Variants in SEC16A observed in about 807,000 individuals in gnomAD.
SEC16A encodes the protein protein transport protein Sec16A.
In SEC16A, 110 loss-of-function variants were observed where a neutral mutation model predicts 221.9. That is an observed-to-expected ratio of 0.50 (90% CI 0.42 to 0.58). The LOEUF (loss-of-function observed/expected upper bound fraction) is 0.58. SEC16A is among the 20% of genes least tolerant of loss of function. SEC16A has a pLI of 0.00. For missense variants in SEC16A, 3,165 were observed against 3,097.8 expected, an observed-to-expected ratio of 1.02 and a Z score of -0.52; for synonymous variants, 1,393 against 1,257.7, an observed-to-expected ratio of 1.11 and a Z score of -2.28.
intron 4 of SEC16A, among the ~76,000 whole-genome samples, chr9:136,469,561 G>C (rs1474585152): frequency 6.6e-6 from 1 of 152,226 alleles, no homozygotes; most frequent in Non-Finnish European, 1.5e-5. Flanking sequence ...CTATGCAGGA[G>C]GCTGAGGCAG....
Position 136,474,805 on chromosome 9 carries a change from C to G in SEC16A, c.2811G>C (p.Leu937Phe). The G allele has an allele frequency of 2.5e-6, 4 of 1,613,970 alleles. No individual in the cohort carries two copies. Among genetic ancestry groups the G allele is most frequent in the Non-Finnish European group, 3.4e-6 (4 of 1,179,890 alleles). Residue 937 changes from leucine to phenylalanine, a missense_variant, in exon 3 of 32, where the codon TTG becomes TTC. Physicochemically the swap from Leu to Phe is conservative, Grantham distance 22. This residue lies in a region of SEC16A where 2,030 missense variants were observed against 1,923.1 expected (regional missense o/e 1.06). Transcript: ENST00000684901. Reference protein sequence around the residue: ...QPPSQPVPENLVPESQKDRKA... With the variant: ...QPPSQPVPENFVPESQKDRKA... ...TACGATCCTTTTGACTTTCTGGAAC[C>G]AAGTTCTCTGGAACTGGCTGGGATG...
rs968278046 is a variant in SEC16A at position 136,441,482 on chromosome 9, C to A, written c.*273G>T. On this transcript the variant is annotated 3_prime_UTR_variant, in exon 32 of 32. Coordinates refer to ENST00000684901, the MANE Select transcript of SEC16A (RefSeq NM_014866.2). ...CAGGAATACTATATCCTTAAATCAT[C>A]CTAAATGACTAAGAAAGTCACATCA... 3.7e-5 allele frequency: 19 copies of A among 518,236 alleles called. No individual in the cohort carries two copies. Among genetic ancestry groups the A allele is most frequent in the Non-Finnish European group, 4.2e-5 (12 of 284,344 alleles). The allele number at this position is 518,236 out of a possible 1,614,324, so 32.1% of individuals were successfully genotyped here.
chr9:136,454,178 G>C lies in SEC16A; in HGVS notation c.6007C>G (p.Leu2003Val). Residue 2003 changes from leucine to valine, a missense_variant, in exon 21 of 32, where the codon CTC (leucine) becomes GTC (valine). Around this residue, in one of 3 missense-constraint regions of SEC16A, gnomAD observed 1,088 missense variants for 1,089.6 expected, o/e 1.00. Transcript: ENST00000684901. ...TGCAGAGGTGGCACACCAGGTGGGA[G>C]GCCAGGCCCGGAGGGCTCCAGGAAG... ...LGFLEPSGPG[L>V]PPGVPPLQER... 1.3e-6 allele frequency: 2 copies of C among 1,558,792 alleles called. No homozygotes were observed. The highest frequency in any genetic ancestry group is 1.7e-6 in the Non-Finnish European group (2 of 1,151,074).
At chr9:136,462,823 C>T (rs974430852) in intron 12 of SEC16A, 64 bp downstream of exon 12, 288 of 1,560,764 alleles carry the variant, frequency 1.8e-4, no homozygotes, top group Admixed American at 4.1e-4. Context: ...AAGGCTGCAA[C>T]CCCGCACCAG....
In SEC16A at chr9:136,456,006, A is replaced by C. The variant is rs1159984083; in HGVS notation, c.5664+47T>G. The stretch of plus-strand genomic sequence containing the variant: ...TCAGTGTGGAAATGACAGGGACAGA[A>C]GCCACCTTGCCAGACGCCTCTGTGC... On this transcript the variant is annotated intron_variant, in intron 19 of 31. Transcript: ENST00000684901. The C allele has an allele frequency of 2.7e-6, 4 of 1,473,034 alleles. No homozygotes were observed. The South Asian group carries it at 4.6e-5, about 17-fold the overall frequency. The allele number at this position is 1,473,034 out of a possible 1,614,324, so 91.2% of individuals were successfully genotyped here.
At position 136,474,144 on chromosome 9, in the gene SEC16A, C is replaced by A; in HGVS notation, c.3472G>T (p.Ala1158Ser). 2 of 1,613,290 alleles carry A rather than the reference C, an allele frequency of 1.2e-6. No individual in the cohort carries two copies. Among genetic ancestry groups the A allele is most frequent in the South Asian group, 2.2e-5 (2 of 91,056 alleles). Residue 1158 changes from alanine (A) to serine (S), a missense_variant, in exon 3 of 32, where the codon GCC becomes TCC. Ala to Ser is a moderately conservative substitution (Grantham distance 99). This residue lies in a region of SEC16A where 2,030 missense variants were observed against 1,923.1 expected (regional missense o/e 1.06). Transcript: ENST00000684901. The stretch of plus-strand genomic sequence containing the variant: ...TACAAAGGCCGGTAGTAGTAGTAGG[C>A]GGCCAGGTCCTGAGGCGGTGGGCCG... ...APGPPPQDLA[A>S]YYYYRPLYDA...
chr9:136,467,149 A>G, intron 5 of SEC16A, 66 bp from the exon 6 acceptor site: 4 of 1,588,372 alleles, frequency 2.5e-6, no homozygotes, highest in African/African-American at 2.7e-5. Context: ...AGATATCACT[A>G]AAGAAGCGAC....
rs568544646 is a variant in SEC16A at position 136,441,681 on chromosome 9, G to T, written c.*74C>A. On this transcript the variant is annotated 3_prime_UTR_variant, in exon 32 of 32. Coordinates refer to ENST00000684901, the MANE Select transcript of SEC16A (RefSeq NM_014866.2). The stretch of plus-strand genomic sequence containing the variant: ...TCTCCCTGGGGGCGGGACGGAGATC[G>T]CGGAGGTCGGTCGGGTTCTTCGGGG... The T allele has an allele frequency of 1.5e-6, 2 of 1,370,726 alleles. No individual in the cohort carries two copies. Among genetic ancestry groups the T allele is most frequent in the African/African-American group, 1.4e-5 (1 of 70,256 alleles). 84.9% of individuals were successfully genotyped at this position (1,370,726 alleles called of 1,614,324 possible).
Position 136,476,543 on chromosome 9 carries a change from C to A in SEC16A, c.1073G>T (p.Gly358Val), listed in dbSNP as rs1324476067. 1.2e-6 allele frequency: 2 copies of A among 1,611,108 alleles called. No individual in the cohort carries two copies. Among genetic ancestry groups the A allele is most frequent in the Admixed American group, 1.7e-5 (1 of 59,888 alleles). Residue 358 changes from glycine (G) to valine (V), a missense_variant, in exon 3 of 32, where the codon GGC (glycine) becomes GTC (valine). This residue lies in a region of SEC16A where 2,030 missense variants were observed against 1,923.1 expected (regional missense o/e 1.06). Transcript: ENST00000684901. ...TGAGTCTGCTTCTAGCGGGGCACAG[C>A]CAGACCCGGCCCCAGCCCCCAGTGG... The part of the protein sequence containing the change: ...HHPLGAGAGS[G>V]CAPLEADSGA...
chr9:136,447,624 C>CGG lies in SEC16A; in HGVS notation c.6502_6503dup (p.Pro2169ArgfsTer12). On this transcript the variant is annotated frameshift_variant, in exon 26 of 32. Transcript: ENST00000684901. LOFTEE classifies it high-confidence loss of function. The surrounding 1 kb of genome is among the most constrained non-coding windows in gnomAD (Gnocchi z 5.5). ...CTCCAGGAGGCCCTGGGAGGGCAGG[C>CGG]GGGGCAGCTTGCACAGTCTTGGGCA... is the stretch of plus-strand genomic sequence containing the variant. The CGG allele has an allele frequency of 6.2e-7, 1 of 1,613,748 alleles. No individual in the cohort carries two copies. Among genetic ancestry groups the CGG allele is most frequent in the Non-Finnish European group, 8.5e-7 (1 of 1,179,734 alleles).
chr9:136,482,695 T>A (rs1196476840), intron 1 of SEC16A, among the ~76,000 whole-genome samples: 2 of 152,046 alleles, frequency 1.3e-5, no homozygotes, highest in African/African-American at 4.8e-5. Flanking sequence ...CCCAGCCGGG[T>A]CCACGTCAGT....
chr9:136,465,637 T>C (rs141437697), intron 8 of SEC16A, among the ~76,000 whole-genome samples: 183 of 152,338 alleles, frequency 1.2e-3, no homozygotes, highest in African/African-American at 4.1e-3. Context: ...AGCTCCCTCC[T>C]GCACGCCTGC....
At position 136,466,504 on chromosome 9, in the gene SEC16A, C is replaced by CG; in HGVS notation, c.3930-43dup. The CG allele has an allele frequency of 6.5e-7, 1 of 1,532,326 alleles. No homozygotes were observed. 94.9% of individuals were successfully genotyped at this position (1,532,326 alleles called of 1,614,324 possible). On this transcript the variant is annotated intron_variant, in intron 6 of 31. Transcript: ENST00000684901. This position sits in a 1 kb window ranked among gnomAD's most constrained non-coding sequence, Gnocchi z 5.5. ...GACAGAGGCAGAGGAATGGGAGTGCCGGAGGCCCCGTCCCCATGTGCCACG... is the reference window on the plus strand; with the variant it reads ...GACAGAGGCAGAGGAATGGGAGTGCCGGGAGGCCCCGTCCCCATGTGCCACG...
chr9:136,471,762 C>A (rs1186321645), intron 4 of SEC16A, among the ~76,000 whole-genome samples: 1 of 152,282 alleles, frequency 6.6e-6, no homozygotes, highest in Non-Finnish European at 1.5e-5. Flanking sequence ...CTGACCAGCA[C>A]AGCTAATGAC....
intron 18 of SEC16A, among the ~76,000 whole-genome samples, chr9:136,457,223 G>A (rs1448881688): frequency 2.6e-5 from 4 of 152,210 alleles, no homozygotes; most frequent in African/African-American, 7.2e-5. Context: ...TGTGAAACTC[G>A]CTGCCAAGGC....
chr9:136,482,699 C>T (rs927855922), intron 1 of SEC16A, among the ~76,000 whole-genome samples: 3 of 152,312 alleles, frequency 2.0e-5, no homozygotes, highest in East Asian at 1.9e-4. Flanking sequence ...GCCGGGTCCA[C>T]GTCAGTCCCT....
intron 12 of SEC16A, 88 bp downstream of exon 12, chr9:136,462,799 C>T: frequency 6.8e-7 from 1 of 1,473,624 alleles, no homozygotes. Flanking sequence ...AAGAGGGGGC[C>T]ACGTCCCTCC....
chr9:136,448,322 A>C (rs559846105), intron 23 of SEC16A, 161 bp from the exon 24 acceptor site: 1 of 724,886 alleles, frequency 1.4e-6, no homozygotes, highest in South Asian at 1.5e-5. Flanking sequence ...ATCCACAGAG[A>C]CACCAGGAGG....
At chr9:136,469,983 C>T (rs1020577367) in intron 4 of SEC16A, among the ~76,000 whole-genome samples, 2 of 152,366 alleles carry the variant, frequency 1.3e-5, no homozygotes, top group African/African-American at 2.4e-5. Flanking sequence ...TGTCCTCAGC[C>T]GACCTTTCCA....
Sources: gnomAD v4.1 joint callset for allele counts (sites outside exome capture counted in the v4.1 genomes callset) on GRCh38, gnomAD v4.1.1 for gene constraint, gnomAD v4.1.1 regional missense constraint, Gnocchi (gnomAD v3.1) non-coding constraint, MANE v1.5 for transcripts, NCBI Gene and HGNC (gene_info 2026-07-23, HGNC 2026-07-21) for gene names.